The following ACAP1 variants were observed in gnomAD, a reference collection of about 807,000 sequenced individuals.
ACAP1 encodes ArfGAP with coiled-coil, ankyrin repeat and PH domains 1.
ACAP1 carries 45 observed loss-of-function variants against 98.8 expected under a neutral mutation model. The observed-to-expected ratio is 0.46, with a 90% CI of 0.36 to 0.58. ACAP1 has a LOEUF of 0.58. Ranked by LOEUF, ACAP1 falls within the 20% of genes least tolerant of loss-of-function variation. The pLI is 0.00. For missense variants in ACAP1, 735 were observed against 971.4 expected, an observed-to-expected ratio of 0.76 and a Z score of 3.24; for synonymous variants, 362 against 375.3, an observed-to-expected ratio of 0.96 and a Z score of 0.41.
In ACAP1 at chr17:7,337,185, G is replaced by C. The variant is rs867264926; in HGVS notation, c.54-127G>C. The C allele has an allele frequency of 5.3e-5, 45 of 845,980 alleles. No homozygotes were observed. The Middle Eastern group carries it at 3.1e-3, about 58-fold the overall frequency. 52.4% of individuals were successfully genotyped at this position (845,980 alleles called of 1,614,324 possible). A position where few individuals can be genotyped will look rare whatever the true frequency, so the allele number is the denominator to read the frequency against. On this transcript the variant is annotated intron_variant, in intron 1 of 21. Coordinates refer to ENST00000158762, the MANE Select transcript of ACAP1 (RefSeq NM_014716.4). ...GCGGGCAGAGCACAAGTAGGTGGGT[G>C]GGGGGCGAGCCTCTCAACTCTGCAG...
At chr17:7,348,089 A>G (rs773001471) in intron 15 of ACAP1, 38 bp from the exon 16 acceptor site, 2 of 1,612,120 alleles carry the variant, frequency 1.2e-6, no homozygotes, top group African/African-American at 2.7e-5. Flanking sequence ...ACTCACCCCC[A>G]CCTTCCCTGT....
chr17:7,350,429 A>T lies in ACAP1; in HGVS notation c.2072+192A>T. ...AGTGTGCACTGGGACGTGGAGTAGA[A>T]GGCAGGCGGGAGGGCGGGCAGGGTG... On this transcript the variant is annotated intron_variant, in intron 20 of 21. Coordinates refer to ENST00000158762, the MANE Select transcript of ACAP1 (RefSeq NM_014716.4). The surrounding 1 kb of genome is among the most constrained non-coding windows in gnomAD (Gnocchi z 4.6). The T allele has an allele frequency of 2.3e-5, 10 of 437,118 alleles. No individual in the cohort carries two copies. Among genetic ancestry groups the T allele is most frequent in the Admixed American group, 3.5e-5 (1 of 28,272 alleles). The allele number at this position is 437,118 out of a possible 1,614,324, so 27.1% of individuals were successfully genotyped here.
At position 7,346,899 on chromosome 17, in the gene ACAP1, C is replaced by T. The variant is rs143239962; in HGVS notation, c.1099C>T (p.Arg367Cys). The T allele has an allele frequency of 9.8e-5, 158 of 1,612,906 alleles. No individual in the cohort carries two copies. The highest frequency in any genetic ancestry group is 1.2e-4 in the Non-Finnish European group (143 of 1,179,170). Residue 367 changes from arginine to cysteine, a missense_variant, in exon 13 of 22, where the codon CGC becomes TGC. Arg to Cys is a radical substitution (Grantham distance 180). This residue lies in a region of ACAP1 where 430 missense variants were observed against 531.8 expected (regional missense o/e 0.81). Transcript: ENST00000158762. ...SSIASAFSQARLDDSPRGPGQ... is the reference protein window; with the variant it reads ...SSIASAFSQACLDDSPRGPGQ... ...CATTGCTTCTGCCTTCAGTCAGGCTCGCCTTGATGACAGCCCCCGGGGTCC... is the reference window on the plus strand; with the variant it reads ...CATTGCTTCTGCCTTCAGTCAGGCTTGCCTTGATGACAGCCCCCGGGGTCC...
In ACAP1 at chr17:7,344,339, A is replaced by T. The variant is rs1324792113; in HGVS notation, c.745-200A>T. ...GGTGGGAGGATTGCTTGAGCCCAGG[A>T]GTTCAAGACTGCAGTGAGCTATGAT... is the stretch of plus-strand genomic sequence containing the variant. On this transcript the variant is annotated intron_variant, in intron 9 of 21. Transcript: ENST00000158762. This position sits in a 1 kb window ranked among gnomAD's most constrained non-coding sequence, Gnocchi z 4.9. 1.3e-5 allele frequency among the ~76,000 whole-genome samples: 2 copies of T among 152,200 alleles called. No individual in the cohort carries two copies. The highest frequency in any genetic ancestry group is 2.9e-5 in the Non-Finnish European group (2 of 68,036).
chr17:7,344,700 G>A lies in ACAP1; in HGVS notation c.854+52G>A, dbSNP rs143171422. 3.8e-5 allele frequency: 52 copies of A among 1,362,688 alleles called. No individual in the cohort carries two copies. In the African/African-American group the frequency reaches 6.3e-4, roughly 17 times the overall value. The allele number at this position is 1,362,688 out of a possible 1,614,324, so 84.4% of individuals were successfully genotyped here. ...CCGCCCCACCCAATGATGTATTTTC[G>A]AGTGGTAATAGCACACTAAGCACTG... is the stretch of plus-strand genomic sequence containing the variant. On this transcript the variant is annotated intron_variant, in intron 10 of 21. Transcript: ENST00000158762. This position sits in a 1 kb window ranked among gnomAD's most constrained non-coding sequence, Gnocchi z 4.9.
chr17:7,343,771 G>A lies in ACAP1; in HGVS notation c.573+21G>A. On this transcript the variant is annotated intron_variant, in intron 7 of 21. Coordinates refer to ENST00000158762, the MANE Select transcript of ACAP1 (RefSeq NM_014716.4). The surrounding 1 kb of genome is among the most constrained non-coding windows in gnomAD (Gnocchi z 4.9). ...AGTTTGTGAGTTGTGGCGGGGGTGA[G>A]GGCAGGGTGGAGAAGAGCCTGCTGC... The A allele has an allele frequency of 6.2e-7, 1 of 1,613,384 alleles. No individual in the cohort carries two copies. Among genetic ancestry groups the A allele is most frequent in the African/African-American group, 1.3e-5 (1 of 75,028 alleles).
intron 2 of ACAP1, among the ~76,000 whole-genome samples, chr17:7,341,409 T>G (rs933697577): frequency 4.6e-5 from 7 of 152,220 alleles, no homozygotes; most frequent in African/African-American, 1.7e-4. Flanking sequence ...GCCTGGCTAA[T>G]TTTTGAATTT....
In ACAP1 at chr17:7,350,107, A is replaced by G; in HGVS notation, c.1962-20A>G. ...CTGGGAGAAGTTGGGCGGCCGGCTG[A>G]CCCTGGCTCTTCTCTCCAGGCTCGC... On this transcript the variant is annotated intron_variant, in intron 19 of 21. Coordinates refer to ENST00000158762, the MANE Select transcript of ACAP1 (RefSeq NM_014716.4). The surrounding 1 kb of genome is among the most constrained non-coding windows in gnomAD (Gnocchi z 4.6). 6.2e-7 allele frequency: 1 copy of G among 1,613,608 alleles called. No individual in the cohort carries two copies. The highest frequency in any genetic ancestry group is 8.5e-7 in the Non-Finnish European group (1 of 1,179,630).
At chr17:7,342,600 C>A in intron 5 of ACAP1, 126 bp downstream of exon 5, 2 of 1,088,416 alleles carry the variant, frequency 1.8e-6, no homozygotes, top group Admixed American at 2.1e-5. Context: ...ACTGTCTCCA[C>A]AAAAAATACA....
intron 2 of ACAP1, among the ~76,000 whole-genome samples, chr17:7,339,996 C>T (rs2073260135): frequency 6.6e-6 from 1 of 152,166 alleles, no homozygotes; most frequent in African/African-American, 2.4e-5. Flanking sequence ...TGTGGTCGCT[C>T]ATGCCTGTCA....
intron 2 of ACAP1, among the ~76,000 whole-genome samples, chr17:7,339,053 G>A (rs1003833162): frequency 2.6e-5 from 4 of 151,614 alleles, no homozygotes; most frequent in African/African-American, 9.7e-5. Context: ...CACTTTGGGA[G>A]GCCAAGGTGG....
At chr17:7,341,873 A>G (rs1415322357) in intron 2 of ACAP1, 75 bp from the exon 3 acceptor site, 1 of 1,589,112 alleles carries the variant, frequency 6.3e-7, no homozygotes, top group African/African-American at 1.3e-5. Context: ...GGGGAGAGGA[A>G]GTGGGGCAGG....
At chr17:7,348,799 C>T (rs917042657) in intron 17 of ACAP1, 196 bp from the exon 18 acceptor site, 2 of 600,800 alleles carry the variant, frequency 3.3e-6, no homozygotes, top group East Asian at 5.7e-5. Flanking sequence ...GTCTCTCCCC[C>T]ACACCCTAGG....
intron 12 of ACAP1, 126 bp from the exon 13 acceptor site, chr17:7,346,682 T>G: frequency 8.0e-7 from 1 of 1,243,224 alleles, no homozygotes; most frequent in Non-Finnish European, 1.1e-6. Flanking sequence ...TATTACCAAC[T>G]GGTACAGAAG....
In ACAP1 at chr17:7,347,111, C is replaced by A. The variant is rs1475814799; in HGVS notation, c.1212C>A (p.Val404=). 1.9e-6 allele frequency: 3 copies of A among 1,613,588 alleles called. No homozygotes were observed. Among genetic ancestry groups the A allele is most frequent in the Non-Finnish European group, 2.5e-6 (3 of 1,179,744 alleles). Residue 404 remains valine (V), a synonymous_variant, in exon 14 of 22, where the codon GTC becomes GTA. Transcript: ENST00000158762. Reference sequence around the variant, plus strand: ...CCAGGGGAAGGGAGCCTGGGGGAGTCGGGCACGTGGTGGCCCAGGTCCAGA... The same window carrying A: ...CCAGGGGAAGGGAGCCTGGGGGAGTAGGGCACGTGGTGGCCCAGGTCCAGA... ...GMARGREPGG[V]GHVVAQVQSV...
At chr17:7,348,537 C>G (rs1268045722) in intron 17 of ACAP1, 62 bp downstream of exon 17, 1 of 1,428,552 alleles carries the variant, frequency 7.0e-7, no homozygotes, top group Non-Finnish European at 9.2e-7. Context: ...TGCCAGGTAG[C>G]GCCGGGAGGC....
At position 7,342,781 on chromosome 17, in the gene ACAP1, G is replaced by A. The variant is rs1247931390; in HGVS notation, c.344+307G>A. 13 of 420,786 alleles carry A rather than the reference G, an allele frequency of 3.1e-5. No homozygotes were observed. The Admixed American group carries it at 4.9e-4, about 16-fold the overall frequency. 26.1% of individuals were successfully genotyped at this position (420,786 alleles called of 1,614,324 possible). On this transcript the variant is annotated intron_variant, in intron 5 of 21. Transcript: ENST00000158762. ...AAATTAGCCGGGCATGGTGGCAGGTGCCTGTAATCCCAGCTACTCAGGAGG... is the reference window on the plus strand; with the variant it reads ...AAATTAGCCGGGCATGGTGGCAGGTACCTGTAATCCCAGCTACTCAGGAGG...
Position 7,348,993 on chromosome 17 carries a change from A to G in ACAP1, c.1679-2A>G. The G allele has an allele frequency of 2.5e-6, 4 of 1,612,506 alleles. No homozygotes were observed. The highest frequency in any genetic ancestry group is 3.4e-6 in the Non-Finnish European group (4 of 1,179,726). ...CCTAACAGAACCAAATCCCCCGAAC[A>G]GAGCCCCCCTCTGAGGACCTGGGAA... On this transcript the variant is annotated splice_acceptor_variant, in intron 17 of 21. Transcript: ENST00000158762. LOFTEE classifies it high-confidence loss of function.
rs768027916 is a variant in ACAP1, at chr17:7,344,105, C to T, written c.726C>T (p.His242=). 3.0e-5 allele frequency: 48 copies of T among 1,580,756 alleles called. 1 individual carries two copies. The African/African-American group carries it at 4.3e-4, about 14-fold the overall frequency. ...AGAAGAGGGACATGGAGCAGAGACA[C>T]GTGCTGCTGAAACAGAAGGTGAGGG... The part of the protein sequence containing the change: ...AREKRDMEQR[H]VLLKQKELGG... Residue 242 remains histidine (H), a synonymous_variant, in exon 9 of 22, where the codon CAC becomes CAT. Transcript: ENST00000158762. The surrounding 1 kb of genome is among the most constrained non-coding windows in gnomAD (Gnocchi z 4.9).
Sources: allele counts gnomAD v4.1 joint callset (sites outside exome capture counted in the v4.1 genomes callset), GRCh38; gene constraint gnomAD v4.1.1; regional missense constraint gnomAD v4.1.1; non-coding constraint Gnocchi (gnomAD v3.1); transcripts MANE v1.5; gene names NCBI Gene and HGNC (gene_info 2026-07-23, HGNC 2026-07-21).